ZDHHC20: variants seen among roughly 807,000 people sequenced by gnomAD.
The protein encoded by ZDHHC20 is palmitoyltransferase ZDHHC20.
In ZDHHC20, 43 loss-of-function variants were observed where a neutral mutation model predicts 57.8. The observed-to-expected ratio is 0.74, with a 90% confidence interval of 0.58 to 0.96. The LOEUF is 0.96. ZDHHC20 is among the 40% of genes least tolerant of loss of function. The pLI, the probability that ZDHHC20 is intolerant of heterozygous loss-of-function variation, is 0.00. For missense variants in ZDHHC20, 391 were observed against 441.1 expected (o/e 0.89, Z 1.02); for synonymous variants, 157 against 153.0 (o/e 1.03, Z -0.19).
intron 1 of ZDHHC20, among the ~76,000 whole-genome samples, chr13:21,458,022 A>G (rs1309198096): frequency 6.6e-6 from 1 of 152,258 alleles, no homozygotes; most frequent in African/African-American, 2.4e-5. Context: ...AGATGTATAC[A>G]GAACACCCTA....
At chr13:21,409,420 T>A (rs1018480122) in intron 4 of ZDHHC20, among the ~76,000 whole-genome samples, 2 of 152,252 alleles carry the variant, frequency 1.3e-5, no homozygotes, top group African/African-American at 4.8e-5. Context: ...TATTCTCTGA[T>A]GGTAGTTTGT....
chr13:21,395,701 A>G (rs975644334), intron 7 of ZDHHC20, among the ~76,000 whole-genome samples: 7 of 148,176 alleles, frequency 4.7e-5, no homozygotes, highest in African/African-American at 7.5e-5. Flanking sequence ...GGGTTTCACC[A>G]TTGTTGGCCA....
chr13:21,377,227 C>T (rs111664774), intron 12 of ZDHHC20: 4,680 of 88,922 alleles, frequency 0.053, 186 homozygotes, highest in African/African-American at 0.12. Flanking sequence ...CTAGTGCCTG[C>T]GATCTGACTG....
At chr13:21,439,317 T>C (rs543821376) in intron 1 of ZDHHC20, among the ~76,000 whole-genome samples, 5 of 152,138 alleles carry the variant, frequency 3.3e-5, no homozygotes, top group Admixed American at 6.5e-5. Flanking sequence ...TTGGGCAACA[T>C]AGTGGGACCC....
At chr13:21,422,712 G>A (rs537284816) in intron 2 of ZDHHC20, among the ~76,000 whole-genome samples, 7 of 151,854 alleles carry the variant, frequency 4.6e-5, no homozygotes, top group Non-Finnish European at 8.8e-5. Flanking sequence ...TGTTGCCTAC[G>A]TTCTTTGGAT....
At chr13:21,420,477 T>G (rs1012942464) in intron 3 of ZDHHC20, among the ~76,000 whole-genome samples, 1 of 152,216 alleles carries the variant, frequency 6.6e-6, no homozygotes, top group African/African-American at 2.4e-5. Flanking sequence ...GAATATATTC[T>G]TAACCACCTT....
intron 1 of ZDHHC20, among the ~76,000 whole-genome samples, chr13:21,440,766 T>C (rs1883066077): frequency 6.6e-6 from 1 of 152,192 alleles, no homozygotes; most frequent in Admixed American, 6.6e-5. Flanking sequence ...TCCCATCTTT[T>C]CCTCTGTAAT....
chr13:21,391,249 G>C (rs962314407), intron 8 of ZDHHC20, among the ~76,000 whole-genome samples: 2 of 152,148 alleles, frequency 1.3e-5, no homozygotes, highest in Admixed American at 6.5e-5. Context: ...TTACAGGTGT[G>C]AGCCACTGTG....
At position 21,413,691 on chromosome 13, in the gene ZDHHC20, C is replaced by T. The variant is rs1241733460; in HGVS notation, c.331G>A (p.Ala111Thr). ...GTGGTATAGATAGGTAAAGCTCTTG[C>T]TGCTCTTCTCAAAATTTCTTGTTGT... Reference protein sequence around the residue: ...ERQQEILRRAARALPIYTTSA... With the variant: ...ERQQEILRRATRALPIYTTSA... The change falls in exon 4 of 13, where the codon GCA (alanine) becomes ACA (threonine). Residue 111 changes from alanine to threonine, a missense_variant. Ala to Thr is a moderately conservative substitution (Grantham distance 58). Transcript: ENST00000400590. 1.9e-6 allele frequency: 3 copies of T among 1,610,824 alleles called. No homozygotes were observed. The African/African-American group carries it at 4.0e-5, about 22-fold the overall frequency.
At chr13:21,440,845 C>G (rs758884924) in intron 1 of ZDHHC20, among the ~76,000 whole-genome samples, 1 of 151,640 alleles carries the variant, frequency 6.6e-6, no homozygotes, top group Non-Finnish European at 1.5e-5. Context: ...ATATACTGTT[C>G]CATTAGTCAA....
intron 7 of ZDHHC20, among the ~76,000 whole-genome samples, chr13:21,393,191 T>C (rs949121778): frequency 2.8e-5 from 3 of 106,982 alleles, no homozygotes; most frequent in African/African-American, 8.3e-5. Context: ...TCTTTTTTCT[T>C]TTTTTTTTTT....
intron 7 of ZDHHC20, among the ~76,000 whole-genome samples, chr13:21,393,699 CAAAAAAAAAAAAAAA>C (rs71093307): frequency 6.3e-5 from 4 of 63,414 alleles, no homozygotes; most frequent in South Asian, 7.6e-4. Flanking sequence ...GCAAGTCTCA[CAAAAAAAAAAAAAAA>C]AAAAAAAAAA....
At chr13:21,442,585 T>C (rs949499845) in intron 1 of ZDHHC20, among the ~76,000 whole-genome samples, 1 of 152,126 alleles carries the variant, frequency 6.6e-6, no homozygotes, top group Non-Finnish European at 1.5e-5. Flanking sequence ...TGAAACCCTG[T>C]CTCTACTAAA....
At chr13:21,412,049 GAA>G (rs769681904) in intron 4 of ZDHHC20, among the ~76,000 whole-genome samples, 39 of 152,230 alleles carry the variant, frequency 2.6e-4, no homozygotes, top group Admixed American at 6.5e-4. Flanking sequence ...GGTGAATGAT[GAA>G]GTCTTGATAG....
intron 1 of ZDHHC20, among the ~76,000 whole-genome samples, chr13:21,438,069 T>C (rs2137989171): frequency 6.6e-6 from 1 of 152,304 alleles, no homozygotes; most frequent in African/African-American, 2.4e-5. Context: ...TACTGCTCAT[T>C]GAAAATGCAC....
At chr13:21,390,025 A>G (rs1875376027) in intron 8 of ZDHHC20, among the ~76,000 whole-genome samples, 1 of 152,248 alleles carries the variant, frequency 6.6e-6, no homozygotes, top group South Asian at 2.1e-4. Flanking sequence ...GGATGAAAGC[A>G]TGATGGAACT....
chr13:21,391,726 T>A lies in ZDHHC20; in HGVS notation c.723A>T (p.Thr241=), dbSNP rs1287509861. The A allele has an allele frequency of 6.2e-7, 1 of 1,607,496 alleles. No homozygotes were observed. The highest frequency in any genetic ancestry group is 8.5e-7 in the Non-Finnish European group (1 of 1,178,758). ...HCWLVGKNRT[T]IESFRAPTFS... ...AATTTATTTTAACCTACTTACCTAT[T>A]GTTGTTCTATTTTTTCCAACTAGCC... is the stretch of plus-strand genomic sequence containing the variant. The change falls in exon 8 of 13, where the codon ACA becomes ACT. Residue 241 remains threonine, a synonymous_variant. Transcript: ENST00000400590.
chr13:21,429,911 G>A (rs1473434167), intron 1 of ZDHHC20, among the ~76,000 whole-genome samples: 3 of 151,492 alleles, frequency 2.0e-5, no homozygotes, highest in African/African-American at 7.3e-5. Flanking sequence ...TTAAAATTTT[G>A]GCTATTGTAT....
Position 21,374,335 on chromosome 13 carries a change from C to T in ZDHHC20, c.*2361G>A, listed in dbSNP as rs1295542966. 1 of 441,950 alleles carries T rather than the reference C, an allele frequency of 2.3e-6. No homozygotes were observed. Among genetic ancestry groups the T allele is most frequent in the South Asian group, 1.6e-5 (1 of 62,514 alleles). The allele number at this position is 441,950 out of a possible 1,614,324, so 27.4% of individuals were successfully genotyped here. A position where few individuals can be genotyped will look rare whatever the true frequency, so the allele number is the denominator to read the frequency against. Reference sequence around the variant, plus strand: ...CACCTCCTGGGTTCAAGTGATTCTCCTGCCTCCACCTCCCGAGTAGTTGGG... The same window carrying T: ...CACCTCCTGGGTTCAAGTGATTCTCTTGCCTCCACCTCCCGAGTAGTTGGG... On this transcript the variant is annotated 3_prime_UTR_variant, in exon 13 of 13. Coordinates refer to ENST00000400590, the MANE Select transcript of ZDHHC20 (RefSeq NM_001330059.2).
Sources: gnomAD v4.1 joint callset for allele counts (sites outside exome capture counted in the v4.1 genomes callset) on GRCh38, gnomAD v4.1.1 for gene constraint, MANE v1.5 for transcripts, NCBI Gene and HGNC (gene_info 2026-07-23, HGNC 2026-07-21) for gene names.